SHTN1: variants seen among roughly 807,000 people sequenced by gnomAD.
The protein encoded by SHTN1 is shootin 1, also known as shootin-1.
A neutral mutation model predicts 83.1 loss-of-function variants in SHTN1; 42 were observed. The observed-to-expected ratio is 0.51, with a 90% CI of 0.39 to 0.65. The LOEUF (loss-of-function observed/expected upper bound fraction) is 0.65, where lower values mean the gene tolerates loss of function less well. Among genes scored for constraint, SHTN1 ranks in the 30% least tolerant of loss-of-function variants. The pLI, the probability that SHTN1 is intolerant of heterozygous loss-of-function variation, is 0.00. For missense variants in SHTN1, 622 were observed against 737.8 expected, an observed-to-expected ratio of 0.84 and a Z score of 1.82; for synonymous variants, 224 against 247.7, an observed-to-expected ratio of 0.90 and a Z score of 0.90.
In SHTN1 at chr10:116,884,197, C is replaced by T. The variant is rs1174315980; in HGVS notation, c.*2147G>A. On this transcript the variant is annotated 3_prime_UTR_variant, in exon 17 of 17. Coordinates refer to ENST00000355371, the MANE Select transcript of SHTN1 (RefSeq NM_001127211.3). ...GTGTGTGCAATAGCTATGAACATAC[C>T]TTGCAGATATAAGCACGGTTCTCCT... 2.2e-6 allele frequency: 1 copy of T among 456,650 alleles called. No individual in the cohort carries two copies. Among genetic ancestry groups the T allele is most frequent in the South Asian group, 1.5e-5 (1 of 64,556 alleles). The allele number at this position is 456,650 out of a possible 1,614,324, so 28.3% of individuals were successfully genotyped here. A position where few individuals can be genotyped will look rare whatever the true frequency, so the allele number is the denominator to read the frequency against.
Position 116,884,358 on chromosome 10 carries a change from T to C in SHTN1, c.*1986A>G. ...GAGTGAATATCTTCCATCAAATACCTTCATGTCAAATTAATTTAAAATGCT... is the reference window on the plus strand; with the variant it reads ...GAGTGAATATCTTCCATCAAATACCCTCATGTCAAATTAATTTAAAATGCT... On this transcript the variant is annotated 3_prime_UTR_variant, in exon 17 of 17. Transcript: ENST00000355371. 1 of 421,292 alleles carries C rather than the reference T, an allele frequency of 2.4e-6. No homozygotes were observed. The highest frequency in any genetic ancestry group is 4.9e-6 in the Non-Finnish European group (1 of 203,836). 26.1% of individuals were successfully genotyped at this position (421,292 alleles called of 1,614,324 possible). A position where few individuals can be genotyped will look rare whatever the true frequency, so the allele number is the denominator to read the frequency against.
intron 1 of SHTN1, among the ~76,000 whole-genome samples, chr10:117,065,772 GAAAGAAAGAAA>G (rs1852978528): frequency 2.7e-5 from 1 of 36,636 alleles, no homozygotes; most frequent in Admixed American, 2.9e-4. Context: ...AAGAAAGAAA[GAAAGAAAGAAA>G]GGAAGGAAGG....
rs548653152 is a variant in SHTN1 at position 117,094,291 on chromosome 10, C to T, written c.-189+32016G>A. Among the ~76,000 whole-genome samples the T allele has an allele frequency of 1.2e-4, 19 of 152,274 alleles. No homozygotes were observed. In the South Asian group the frequency reaches 2.9e-3, roughly 23 times the overall value. On this transcript the variant is annotated intron_variant, in intron 1 of 17. Transcript: ENST00000392901. ...GTAATATTTGCTGATTACAATGACA[C>T]GCAATATACTTCAGCTTGGATTGAT...
At chr10:117,047,167 T>C (rs1174105362) in intron 2 of SHTN1, among the ~76,000 whole-genome samples, 1 of 152,058 alleles carries the variant, frequency 6.6e-6, no homozygotes, top group East Asian at 1.9e-4. Flanking sequence ...CAGGATCAAG[T>C]GATTCTCCTA....
chr10:116,908,311 T>TA (rs1234247897), intron 14 of SHTN1, among the ~76,000 whole-genome samples: 2 of 152,236 alleles, frequency 1.3e-5, no homozygotes, highest in African/African-American at 4.8e-5. Context: ...TTAAAAGGAC[T>TA]ATCACATCAC....
chr10:117,002,949 G>A (rs889173501), intron 1 of SHTN1, among the ~76,000 whole-genome samples: 1 of 152,134 alleles, frequency 6.6e-6, no homozygotes, highest in Non-Finnish European at 1.5e-5. Context: ...CAATGCAATA[G>A]GAGAAAGAGC....
chr10:117,035,483 T>C (rs1318662068), intron 2 of SHTN1, among the ~76,000 whole-genome samples: 1 of 151,694 alleles, frequency 6.6e-6, no homozygotes, highest in Non-Finnish European at 1.5e-5. Context: ...AATAAACAAA[T>C]GGAATCACAA....
At chr10:117,037,156 TA>T (rs1186345867) in intron 2 of SHTN1, among the ~76,000 whole-genome samples, 2 of 152,156 alleles carry the variant, frequency 1.3e-5, no homozygotes, top group Non-Finnish European at 2.9e-5. Context: ...ATATCATTTA[TA>T]GCTAGACATC....
intron 16 of SHTN1, among the ~76,000 whole-genome samples, chr10:116,894,743 G>A (rs979386453): frequency 1.2e-4 from 18 of 152,188 alleles, no homozygotes; most frequent in African/African-American, 2.4e-5. Context: ...CTGTTAGGAG[G>A]ATATTCACCT....
intron 1 of SHTN1, among the ~76,000 whole-genome samples, chr10:117,054,181 C>G (rs879308469): frequency 2.6e-5 from 4 of 152,106 alleles, no homozygotes; most frequent in Non-Finnish European, 5.9e-5. Context: ...AGGTTGGACA[C>G]GTTTCATTTA....
At chr10:117,019,006 A>C (rs1852224431) in intron 2 of SHTN1, among the ~76,000 whole-genome samples, 1 of 152,210 alleles carries the variant, frequency 6.6e-6, no homozygotes, top group Non-Finnish European at 1.5e-5. Context: ...TTATACATAT[A>C]GAAAAACTAC....
intron 1 of SHTN1, chr10:117,126,294 A>G: frequency 6.2e-6 from 1 of 160,322 alleles, no homozygotes; most frequent in Non-Finnish European, 1.4e-5. Flanking sequence ...CCGTCAAAGC[A>G]GGCCTAACTT....
intron 1 of SHTN1, among the ~76,000 whole-genome samples, chr10:117,108,006 T>C (rs539638756): frequency 4.9e-4 from 74 of 152,320 alleles, no homozygotes; most frequent in African/African-American, 1.7e-3. Flanking sequence ...AAACTTTTTA[T>C]AGATAATTTT....
chr10:117,085,605 A>T (rs939720684), intron 1 of SHTN1, among the ~76,000 whole-genome samples: 1 of 152,192 alleles, frequency 6.6e-6, no homozygotes, highest in African/African-American at 2.4e-5. Flanking sequence ...CTGTCGTTGA[A>T]GTATTCTATA....
chr10:117,119,639 T>G (rs1853895741), intron 1 of SHTN1, among the ~76,000 whole-genome samples: 1 of 152,178 alleles, frequency 6.6e-6, no homozygotes, highest in Non-Finnish European at 1.5e-5. Flanking sequence ...AGAGCTACCA[T>G]ATGATACAGC....
intron 4 of SHTN1, among the ~76,000 whole-genome samples, chr10:116,956,538 G>C (rs1470872850): frequency 6.6e-6 from 1 of 152,134 alleles, no homozygotes; most frequent in Non-Finnish European, 1.5e-5. Context: ...GGTTTAGTTT[G>C]TGTCTAATTA....
intron 1 of SHTN1, among the ~76,000 whole-genome samples, chr10:117,095,954 TTTAA>T (rs1390396868): frequency 6.6e-6 from 1 of 152,158 alleles, no homozygotes; most frequent in Non-Finnish European, 1.5e-5. Context: ...GCCCTTGAGC[TTTAA>T]AATGTATTTG....
intron 12 of SHTN1, among the ~76,000 whole-genome samples, chr10:116,917,906 C>T (rs889124947): frequency 5.3e-5 from 8 of 152,160 alleles, no homozygotes; most frequent in African/African-American, 1.2e-4. Flanking sequence ...CCTACTCAGG[C>T]GCAATACAAG....
intron 7 of SHTN1, among the ~76,000 whole-genome samples, chr10:116,946,000 C>G (rs549461312): frequency 6.6e-6 from 1 of 151,768 alleles, no homozygotes; most frequent in East Asian, 1.9e-4. Context: ...ACATAGAGTT[C>G]AAAAATATGC....
Sources: gnomAD v4.1 joint callset for allele counts (sites outside exome capture counted in the v4.1 genomes callset) on GRCh38, gnomAD v4.1.1 for gene constraint, MANE v1.5 for transcripts, NCBI Gene and HGNC (gene_info 2026-07-23, HGNC 2026-07-21) for gene names.